IGF2BP2: variants seen among roughly 807,000 people sequenced by gnomAD.
IGF2BP2 encodes the protein insulin-like growth factor 2 mRNA-binding protein 2.
In IGF2BP2, 17 loss-of-function variants were observed where a neutral mutation model predicts 75.8. That is an observed-to-expected ratio of 0.22 (90% CI 0.15 to 0.34). The LOEUF is 0.34. IGF2BP2 is among the 10% of genes least tolerant of loss of function. The pLI is 1.00. For missense variants in IGF2BP2, 516 were observed against 772.4 expected, an observed-to-expected ratio of 0.67 and a Z score of 3.93; for synonymous variants, 288 against 295.6, an observed-to-expected ratio of 0.97 and a Z score of 0.26.
At chr3:185,653,607 C>T (rs1422331228) in intron 12 of IGF2BP2, among the ~76,000 whole-genome samples, 7 of 150,970 alleles carry the variant, frequency 4.6e-5, no homozygotes, top group African/African-American at 7.3e-5. Context: ...AGCGAGACTC[C>T]GTCTTAAAAA....
At chr3:185,737,939 G>A (rs931406911) in intron 2 of IGF2BP2, among the ~76,000 whole-genome samples, 12 of 152,126 alleles carry the variant, frequency 7.9e-5, no homozygotes, top group African/African-American at 2.2e-4. Flanking sequence ...GAATTACTAG[G>A]TCAAAGGGTG....
rs1367979701 is a variant in IGF2BP2 at position 185,675,553 on chromosome 3, ACTGTGGTGGAGAATCC to A, written c.936-138_936-123del. 4.2e-6 allele frequency: 5 copies of A among 1,196,232 alleles called. No homozygotes were observed. In the African/African-American group the frequency reaches 7.7e-5, roughly 19 times the overall value. The allele number at this position is 1,196,232 out of a possible 1,614,324, so 74.1% of individuals were successfully genotyped here. A position where few individuals can be genotyped will look rare whatever the true frequency, so the allele number is the denominator to read the frequency against. ...AGAAGACTCAATTCCCTCCCAACAC[ACTGTGGTGGAGAATCC>A]CTGCCATCTTATTTCAAATCTTACC... On this transcript the variant is annotated intron_variant, in intron 8 of 15. Coordinates refer to ENST00000382199, the MANE Select transcript of IGF2BP2 (RefSeq NM_006548.6).
At chr3:185,726,457 G>C (rs556417352) in intron 2 of IGF2BP2, among the ~76,000 whole-genome samples, 1 of 152,286 alleles carries the variant, frequency 6.6e-6, no homozygotes, top group South Asian at 2.1e-4. Flanking sequence ...ATGAGATGGT[G>C]AAATGCACAT....
At chr3:185,686,006 T>A (rs1721073205) in intron 7 of IGF2BP2, among the ~76,000 whole-genome samples, 1 of 152,230 alleles carries the variant, frequency 6.6e-6, no homozygotes, top group African/African-American at 2.4e-5. Flanking sequence ...AATACAAAGT[T>A]AATTTGTTTG....
At position 185,675,234 on chromosome 3, in the gene IGF2BP2, C is replaced by G. The variant is rs140494044; in HGVS notation, c.1071+62G>C. The G allele has an allele frequency of 1.0e-4, 160 of 1,554,378 alleles. No homozygotes were observed. In the African/African-American group the frequency reaches 2.1e-3, roughly 21 times the overall value. The stretch of plus-strand genomic sequence containing the variant: ...CTATCCTAAGGCACTTCCTCATTAG[C>G]TGAATGGCAAGTATTTTTAGCCTAG... On this transcript the variant is annotated intron_variant, in intron 9 of 15. Coordinates refer to ENST00000382199, the MANE Select transcript of IGF2BP2 (RefSeq NM_006548.6).
chr3:185,777,157 T>G (rs1734625920), intron 2 of IGF2BP2, among the ~76,000 whole-genome samples: 1 of 152,154 alleles, frequency 6.6e-6, no homozygotes, highest in African/African-American at 2.4e-5. Flanking sequence ...TGTCAATAGC[T>G]TCTTGGAAAC....
chr3:185,662,708 A>G (rs1173694102), intron 10 of IGF2BP2, among the ~76,000 whole-genome samples: 1 of 151,702 alleles, frequency 6.6e-6, no homozygotes, highest in Non-Finnish European at 1.5e-5. Context: ...ACGCATAGCT[A>G]ATTTTTATAT....
intron 13 of IGF2BP2, among the ~76,000 whole-genome samples, chr3:185,651,029 C>T (rs1482441726): frequency 1.3e-5 from 2 of 152,204 alleles, no homozygotes; most frequent in African/African-American, 2.4e-5. Flanking sequence ...CTGCCTCAGC[C>T]TCCCAAGTAG....
intron 2 of IGF2BP2, among the ~76,000 whole-genome samples, chr3:185,733,006 C>T (rs1275448886): frequency 6.6e-6 from 1 of 152,180 alleles, no homozygotes; most frequent in African/African-American, 2.4e-5. Flanking sequence ...TTCATCACCC[C>T]ACTTCCCTTC....
chr3:185,669,522 CA>C (rs1364133650), intron 10 of IGF2BP2, among the ~76,000 whole-genome samples: 1 of 129,530 alleles, frequency 7.7e-6, no homozygotes, highest in African/African-American at 2.9e-5. Flanking sequence ...GCTTCTTAAA[CA>C]CTATGCACAT....
chr3:185,667,837 T>C (rs956850019), intron 10 of IGF2BP2, among the ~76,000 whole-genome samples: 1 of 152,224 alleles, frequency 6.6e-6, no homozygotes, highest in South Asian at 2.1e-4. Context: ...GGCAACCCTA[T>C]GTCACACAAG....
chr3:185,792,657 C>T (rs1309691905), intron 2 of IGF2BP2, among the ~76,000 whole-genome samples: 1 of 151,458 alleles, frequency 6.6e-6, no homozygotes, highest in African/African-American at 2.4e-5. Context: ...ATCCCAGCTA[C>T]TCGGGAGAGT....
rs572804330 is a variant in IGF2BP2, at chr3:185,664,366, A to G, written c.1201-5957T>C. Among the ~76,000 whole-genome samples, 8 of 152,302 alleles carry G rather than the reference A, an allele frequency of 5.3e-5. No individual in the cohort carries two copies. The South Asian group carries it at 1.2e-3, about 24-fold the overall frequency. ...ATGCTAAGAAAAAGCTCCCCTAAGGATTGTAATTATGCTCTCTGTTGAATG... is the reference window on the plus strand; with the variant it reads ...ATGCTAAGAAAAAGCTCCCCTAAGGGTTGTAATTATGCTCTCTGTTGAATG... On this transcript the variant is annotated intron_variant, in intron 10 of 15. Coordinates refer to ENST00000382199, the MANE Select transcript of IGF2BP2 (RefSeq NM_006548.6).
intron 2 of IGF2BP2, chr3:185,728,642 G>C (rs1727698842): frequency 6.6e-6 from 1 of 152,190 alleles, no homozygotes; most frequent in Non-Finnish European, 1.5e-5. Context: ...CTATTGAACA[G>C]ATTTGCTTAG....
At chr3:185,763,350 C>T (rs557662702) in intron 2 of IGF2BP2, among the ~76,000 whole-genome samples, 32 of 152,308 alleles carry the variant, frequency 2.1e-4, no homozygotes, top group African/African-American at 3.6e-4. Context: ...CTTAGTAGGT[C>T]CCTGGTCATG....
chr3:185,727,197 G>A (rs1335030037), intron 2 of IGF2BP2, among the ~76,000 whole-genome samples: 1 of 145,460 alleles, frequency 6.9e-6, no homozygotes, highest in Non-Finnish European at 1.5e-5. Context: ...CAGCCTGGGC[G>A]ACAGAGAGAG....
intron 2 of IGF2BP2, among the ~76,000 whole-genome samples, chr3:185,703,368 T>C (rs767990554): frequency 6.6e-6 from 1 of 152,222 alleles, no homozygotes; most frequent in Non-Finnish European, 1.5e-5. Flanking sequence ...ATGTCCATTG[T>C]TATGAATTTC....
At chr3:185,658,510 C>T (rs1715846066) in intron 10 of IGF2BP2, 101 bp from the exon 11 acceptor site, 6 of 934,488 alleles carry the variant, frequency 6.4e-6, no homozygotes, top group African/African-American at 1.6e-5. Flanking sequence ...CTCTCTGTGG[C>T]ATCAGCTGGC....
At chr3:185,654,542 T>C (rs190722309) in intron 12 of IGF2BP2, among the ~76,000 whole-genome samples, 87 of 152,342 alleles carry the variant, frequency 5.7e-4, no homozygotes, top group African/African-American at 1.9e-3. Flanking sequence ...TTGTGGCTGC[T>C]TTGCTCAGAT....
Sources: gnomAD v4.1 joint callset for allele counts (sites outside exome capture counted in the v4.1 genomes callset) on GRCh38, gnomAD v4.1.1 for gene constraint, MANE v1.5 for transcripts, NCBI Gene and HGNC (gene_info 2026-07-23, HGNC 2026-07-21) for gene names.